LRP1B: variants seen among roughly 807,000 people sequenced by gnomAD.
The protein encoded by LRP1B is LDL receptor related protein 1B.
A neutral mutation model predicts 556.6 loss-of-function variants in LRP1B; 217 were observed. That is an observed-to-expected ratio of 0.39 (90% CI 0.35 to 0.44). LRP1B has a LOEUF of 0.44. Among genes scored for constraint, LRP1B ranks in the 20% least tolerant of loss-of-function variants. The probability of loss-of-function intolerance (pLI) is 1.00; values close to 1 mark genes in which losing one functional copy is unlikely to be tolerated. For synonymous variants in LRP1B, 2,047 were observed against 1,865.8 expected (o/e 1.10, Z -2.50); for missense variants, 5,053 against 5,620.8 (o/e 0.90, Z 3.23).
At chr2:140,335,129 A>C (rs1681009619) in intron 78 of LRP1B, among the ~76,000 whole-genome samples, 1 of 151,934 alleles carries the variant, frequency 6.6e-6, no homozygotes, top group South Asian at 2.1e-4. Context: ...GTAGGTTTAC[A>C]TCTCTAACTA....
intron 3 of LRP1B, among the ~76,000 whole-genome samples, chr2:141,347,843 C>A (rs1304571542): frequency 6.6e-6 from 1 of 151,944 alleles, no homozygotes; most frequent in Non-Finnish European, 1.5e-5. Context: ...TTATTAAAAA[C>A]TAAAGTCATG....
chr2:140,357,988 A>C lies in LRP1B; in HGVS notation c.11386T>G (p.Cys3796Gly), dbSNP rs2105134689. The C allele has an allele frequency of 1.2e-6, 2 of 1,610,158 alleles. No homozygotes were observed. The highest frequency in any genetic ancestry group is 1.7e-6 in the Non-Finnish European group (2 of 1,177,346). The change falls in exon 74 of 91, where the codon TGC becomes GGC. Residue 3796 changes from cysteine (C) to glycine (G), a missense_variant. Cys to Gly is a radical substitution (Grantham distance 159, BLOSUM62 -3). Coordinates refer to ENST00000389484, the MANE Select transcript of LRP1B (RefSeq NM_018557.3). Reference sequence around the variant, plus strand: ...CAGAAAACAAGCTCACCTATTCTGCATCCTTGCTCATCTGAACCATCTCCG... The same window carrying C: ...CAGAAAACAAGCTCACCTATTCTGCCTCCTTGCTCATCTGAACCATCTCCG... ...DCGDGSDEQGCRIAPTEYTCE... is the reference protein window; with the variant it reads ...DCGDGSDEQGGRIAPTEYTCE...
At chr2:140,622,094 G>T (rs551623435) in intron 41 of LRP1B, among the ~76,000 whole-genome samples, 1 of 152,180 alleles carries the variant, frequency 6.6e-6, no homozygotes, top group South Asian at 2.1e-4. Context: ...CATCAATTTG[G>T]TGTAAAGCAT....
At chr2:141,746,815 C>T (rs1043710315) in intron 2 of LRP1B, among the ~76,000 whole-genome samples, 5 of 152,038 alleles carry the variant, frequency 3.3e-5, no homozygotes, top group African/African-American at 1.2e-4. Flanking sequence ...TATTAATACC[C>T]TTATGGTATT....
chr2:141,961,142 G>A (rs886880177), intron 1 of LRP1B, among the ~76,000 whole-genome samples: 5 of 151,486 alleles, frequency 3.3e-5, no homozygotes, highest in African/African-American at 9.7e-5. Context: ...TGAGCCAACC[G>A]AGAGGTAATT....
chr2:140,892,685 T>A (rs1372999071), intron 23 of LRP1B, among the ~76,000 whole-genome samples: 2 of 152,150 alleles, frequency 1.3e-5, no homozygotes, highest in Non-Finnish European at 2.9e-5. Context: ...GGAATTTTTA[T>A]CCACATCTAT....
intron 6 of LRP1B, among the ~76,000 whole-genome samples, chr2:141,206,582 G>A (rs997955495): frequency 4.3e-5 from 6 of 139,472 alleles, no homozygotes; most frequent in Admixed American, 1.4e-4. Context: ...GCAAGACTCC[G>A]TCTCAAAAAA....
chr2:141,668,268 C>T (rs1169352946), intron 2 of LRP1B, among the ~76,000 whole-genome samples: 1 of 152,064 alleles, frequency 6.6e-6, no homozygotes, highest in Non-Finnish European at 1.5e-5. Context: ...TTGATACGGA[C>T]AGGAGACAGG....
At chr2:141,112,814 A>T (rs1418616153) in intron 7 of LRP1B, among the ~76,000 whole-genome samples, 2 of 152,328 alleles carry the variant, frequency 1.3e-5, no homozygotes, top group African/African-American at 4.8e-5. Flanking sequence ...GTATTTGAAA[A>T]AGGCAAATTG....
chr2:140,232,936 G>A lies in LRP1B; in HGVS notation c.*250C>T. 3.4e-6 allele frequency: 1 copy of A among 297,856 alleles called. No homozygotes were observed. The allele number at this position is 297,856 out of a possible 1,614,324, so 18.5% of individuals were successfully genotyped here. ...GTTTTTAATTTTAACAAATTCAAAG[G>A]TGTGTCATATCAGCAGCATTGTTGT... On this transcript the variant is annotated 3_prime_UTR_variant, in exon 91 of 91. Transcript: ENST00000389484.
At chr2:141,462,842 ATAAG>A (rs1396844907) in intron 3 of LRP1B, among the ~76,000 whole-genome samples, 6 of 152,258 alleles carry the variant, frequency 3.9e-5, no homozygotes, top group East Asian at 1.9e-4. Context: ...AAATAAGTAA[ATAAG>A]TAATAAAATT....
chr2:140,860,731 C>T (rs1182934679), intron 27 of LRP1B, among the ~76,000 whole-genome samples: 1 of 151,682 alleles, frequency 6.6e-6, no homozygotes, highest in Non-Finnish European at 1.5e-5. Flanking sequence ...ACAGAAAAAC[C>T]CAGGGTGGTA....
At chr2:140,751,858 C>T (rs1688591210) in intron 35 of LRP1B, among the ~76,000 whole-genome samples, 1 of 152,110 alleles carries the variant, frequency 6.6e-6, no homozygotes, top group Non-Finnish European at 1.5e-5. Context: ...AAAGATACCA[C>T]TATCATAGGG....
chr2:141,746,958 C>T (rs188188535), intron 2 of LRP1B, among the ~76,000 whole-genome samples: 3 of 148,046 alleles, frequency 2.0e-5, no homozygotes, highest in East Asian at 2.0e-4. Flanking sequence ...TTAAAAGCAT[C>T]GAAAATAATT....
chr2:141,522,660 G>A (rs1389920588), intron 2 of LRP1B, among the ~76,000 whole-genome samples: 1 of 152,046 alleles, frequency 6.6e-6, no homozygotes, highest in Admixed American at 6.6e-5. Context: ...AGAAGCCAAG[G>A]GTTCAAATAT....
chr2:140,893,521 C>T (rs1041149587), intron 23 of LRP1B, among the ~76,000 whole-genome samples: 1 of 152,176 alleles, frequency 6.6e-6, no homozygotes, highest in African/African-American at 2.4e-5. Context: ...GCCACAACCT[C>T]TCACCCTGAG....
chr2:140,991,226 G>A (rs1196056983), intron 16 of LRP1B, among the ~76,000 whole-genome samples: 1 of 152,068 alleles, frequency 6.6e-6, no homozygotes, highest in Non-Finnish European at 1.5e-5. Context: ...ACTTCAGTGA[G>A]GCTTAATCAA....
At chr2:141,790,558 A>T (rs1280367325) in intron 2 of LRP1B, among the ~76,000 whole-genome samples, 1 of 151,856 alleles carries the variant, frequency 6.6e-6, no homozygotes, top group Non-Finnish European at 1.5e-5. Context: ...ATGTAGTGGG[A>T]ATCACCATTA....
At chr2:141,121,150 T>A (rs188898828) in intron 7 of LRP1B, among the ~76,000 whole-genome samples, 1 of 152,110 alleles carries the variant, frequency 6.6e-6, no homozygotes, top group Non-Finnish European at 1.5e-5. Context: ...TCCTCATCCA[T>A]GAAATGAAAA....
Sources: allele counts gnomAD v4.1 joint callset (sites outside exome capture counted in the v4.1 genomes callset), GRCh38; gene constraint gnomAD v4.1.1; transcripts MANE v1.5; gene names NCBI Gene and HGNC (gene_info 2026-07-23, HGNC 2026-07-21).